LACTB: variants seen among roughly 807,000 people sequenced by gnomAD.
LACTB encodes serine beta-lactamase-like protein LACTB, mitochondrial.
In LACTB, 35 loss-of-function variants were observed where a neutral mutation model predicts 50.2. That is an observed-to-expected ratio of 0.70 (90% CI 0.53 to 0.92). The LOEUF is 0.92. Ranked by LOEUF, LACTB falls within the 40% of genes least tolerant of loss-of-function variation. The pLI is 0.00. For missense variants in LACTB, 664 were observed against 691.8 expected, an observed-to-expected ratio of 0.96 and a Z score of 0.45; for synonymous variants, 252 against 268.2, an observed-to-expected ratio of 0.94 and a Z score of 0.59.
At chr15:63,139,677 G>GA (rs59247821) in intron 5 of LACTB, among the ~76,000 whole-genome samples, 5,382 of 149,670 alleles carry the variant, frequency 0.036, 157 homozygotes, top group East Asian at 0.17. Flanking sequence ...TAAATATACA[G>GA]AAAAAAATTA....
At chr15:63,122,737 A>T in intron 2 of LACTB, 35 bp downstream of exon 2, 1 of 1,439,506 alleles carries the variant, frequency 6.9e-7, no homozygotes, top group Non-Finnish European at 9.8e-7. Context: ...GTTCTGTGCC[A>T]GTTGGTAAAT....
At chr15:63,134,418 C>T (rs924760266) in intron 5 of LACTB, among the ~76,000 whole-genome samples, 1 of 152,120 alleles carries the variant, frequency 6.6e-6, no homozygotes, top group African/African-American at 2.4e-5. Context: ...CCCCACAAGC[C>T]TTTAAGAGGC....
intron 5 of LACTB, among the ~76,000 whole-genome samples, chr15:63,132,644 C>T (rs531182075): frequency 1.3e-5 from 2 of 151,904 alleles, no homozygotes; most frequent in African/African-American, 2.4e-5. Context: ...ATGGTAACAC[C>T]CCATCTCTAC....
intron 5 of LACTB, among the ~76,000 whole-genome samples, chr15:63,137,027 C>G (rs2037184364): frequency 6.6e-6 from 1 of 152,198 alleles, no homozygotes; most frequent in Admixed American, 6.5e-5. Flanking sequence ...CACAATAGCA[C>G]TTAAATTCTT....
rs2036986247 is a variant in LACTB, at chr15:63,122,352, T to A, written c.357+124T>A. 3 of 858,384 alleles carry A rather than the reference T, an allele frequency of 3.5e-6. No homozygotes were observed. The East Asian group carries it at 8.3e-5, about 24-fold the overall frequency. The allele number at this position is 858,384 out of a possible 1,614,324, so 53.2% of individuals were successfully genotyped here. A position where few individuals can be genotyped will look rare whatever the true frequency, so the allele number is the denominator to read the frequency against. The stretch of plus-strand genomic sequence containing the variant: ...CCCGCGATCGGCTTCCGAGAAAGAC[T>A]TCCCATTTCCCCACCGCCGAGCCGT... On this transcript the variant is annotated intron_variant, in intron 1 of 5. Coordinates refer to ENST00000261893, the MANE Select transcript of LACTB (RefSeq NM_032857.5).
intron 5 of LACTB, chr15:63,130,836 G>C (rs181310525): frequency 1.2e-3 from 186 of 152,272 alleles, no homozygotes; most frequent in African/African-American, 4.1e-3. Flanking sequence ...ATTTGGAGGA[G>C]ATAATTTGAG....
At chr15:63,126,039 C>A (rs1412385150) in intron 2 of LACTB, 1 of 151,964 alleles carries the variant, frequency 6.6e-6, no homozygotes, top group East Asian at 1.9e-4. Flanking sequence ...ACATGGAAAC[C>A]AAATTTAAAA....
intron 5 of LACTB, among the ~76,000 whole-genome samples, chr15:63,139,595 G>A (rs1333580542): frequency 1.3e-5 from 2 of 152,046 alleles, no homozygotes; most frequent in African/African-American, 4.8e-5. Flanking sequence ...GGAGGTTGCA[G>A]TGAGCCAAGA....
chr15:63,130,515 GAAAA>G, intron 5 of LACTB: 1 of 89,332 alleles, frequency 1.1e-5, no homozygotes, highest in Non-Finnish European at 2.6e-5. Context: ...GTCAAAAAAG[GAAAA>G]AAAAAAAAAA....
intron 5 of LACTB, among the ~76,000 whole-genome samples, chr15:63,132,973 A>G (rs1369681275): frequency 6.6e-6 from 1 of 152,114 alleles, no homozygotes; most frequent in Admixed American, 6.6e-5. Context: ...TTTAAACGAC[A>G]TTTTCTCTCC....
In LACTB at chr15:63,129,487, A is replaced by T. The variant is rs146546670; in HGVS notation, c.955A>T (p.Ser319Cys). 2.8e-3 allele frequency: 4,415 copies of T among 1,580,072 alleles called. 7 individuals are homozygous for T. The highest frequency in any genetic ancestry group is 3.4e-3 in the Non-Finnish European group (3,926 of 1,165,736). ...KNDPLFFKPG[S>C]QFLYSTFGYT... is the part of the protein sequence containing the mutation. ...CCTCCTCGCAATGATGTCTCAAGGT[A>T]GTCAGTTTTTGTATTCAACTTTTGG... Residue 319 changes from serine (S) to cysteine (C), a missense_variant and splice_region_variant, in exon 5 of 6, where the codon AGT (serine) becomes TGT (cysteine). Physicochemically the swap from Ser to Cys is moderately radical, Grantham distance 112 (BLOSUM62 -1). Transcript: ENST00000261893.
At chr15:63,127,761 T>G in intron 4 of LACTB, 72 bp downstream of exon 4, 1 of 1,056,568 alleles carries the variant, frequency 9.5e-7, no homozygotes, top group Non-Finnish European at 1.4e-6. Context: ...TCCAAAATGA[T>G]ACCATCCGGA....
At chr15:63,123,039 AC>A (rs1393954368) in intron 2 of LACTB, among the ~76,000 whole-genome samples, 2 of 152,114 alleles carry the variant, frequency 1.3e-5, no homozygotes, top group African/African-American at 4.8e-5. Flanking sequence ...ATGATATTGA[AC>A]CCTGTATATA....
intron 4 of LACTB, 55 bp downstream of exon 4, chr15:63,127,744 C>T: frequency 8.2e-7 from 1 of 1,220,150 alleles, no homozygotes; most frequent in Non-Finnish European, 1.2e-6. Context: ...TGTTAATTTT[C>T]AGGAAATCCA....
intron 2 of LACTB, among the ~76,000 whole-genome samples, chr15:63,124,370 AT>A (rs1356437289): frequency 6.6e-6 from 1 of 152,198 alleles, no homozygotes; most frequent in Non-Finnish European, 1.5e-5. Context: ...TTTATATTTT[AT>A]TATACTGGAA....
Position 63,121,974 on chromosome 15 carries a change from CCT to C in LACTB, c.107_108del (p.Leu36ArgfsTer39). The C allele has an allele frequency of 7.3e-7, 1 of 1,372,866 alleles. No individual in the cohort carries two copies. Among genetic ancestry groups the C allele is most frequent in the Non-Finnish European group, 9.3e-7 (1 of 1,071,502 alleles). 85.0% of individuals were successfully genotyped at this position (1,372,866 alleles called of 1,614,324 possible). A position where few individuals can be genotyped will look rare whatever the true frequency, so the allele number is the denominator to read the frequency against. On this transcript the variant is annotated frameshift_variant, in exon 1 of 6. Transcript: ENST00000261893. LOFTEE classifies it high-confidence loss of function. ...GGTCCATCAGCGCGCCGGGCTGCCG[CCT>C]CTCGGCCACGGCTGGGTCGGGGGCC... ...RGVHQRAGLP[P>X]LGHGWVGGLG... is the part of the protein sequence containing the mutation.
chr15:63,141,228 G>A (rs771792991), intron 5 of LACTB, 52 bp from the exon 6 acceptor site: 3 of 1,533,184 alleles, frequency 2.0e-6, no homozygotes, highest in Non-Finnish European at 2.6e-6. Context: ...ATCATCATGT[G>A]TGAAGCCAGT....
chr15:63,125,285 G>A (rs921609714), intron 2 of LACTB, among the ~76,000 whole-genome samples: 1 of 150,504 alleles, frequency 6.6e-6, no homozygotes, highest in Non-Finnish European at 1.5e-5. Context: ...CTCCTGCCTC[G>A]TCCTCCCGAT....
At chr15:63,126,629 A>G (rs560527042) in intron 2 of LACTB, among the ~76,000 whole-genome samples, 12 of 152,362 alleles carry the variant, frequency 7.9e-5, no homozygotes, top group Non-Finnish European at 1.5e-4. Flanking sequence ...GAAAATTGCT[A>G]TTGCAAACAG....
Sources: allele counts gnomAD v4.1 joint callset (sites outside exome capture counted in the v4.1 genomes callset), GRCh38; gene constraint gnomAD v4.1.1; transcripts MANE v1.5; gene names NCBI Gene and HGNC (gene_info 2026-07-23, HGNC 2026-07-21).